The following PCSK2 variants were observed in gnomAD, a reference collection of about 807,000 sequenced individuals.
PCSK2 encodes the protein proprotein convertase subtilisin/kexin type 2.
In PCSK2, 14 loss-of-function variants were observed where a neutral mutation model predicts 69.7. The ratio of observed to expected loss-of-function variants is 0.20; its 90% CI spans 0.13 to 0.31. PCSK2 has a LOEUF of 0.31. PCSK2 is among the 10% of genes least tolerant of loss of function. The pLI, the probability that PCSK2 is intolerant of heterozygous loss-of-function variation, is 1.00. For missense variants in PCSK2, 544 were observed against 842.5 expected (o/e 0.65, Z 4.39); for synonymous variants, 307 against 320.7 (o/e 0.96, Z 0.46).
intron 1 of PCSK2, among the ~76,000 whole-genome samples, chr20:17,251,837 C>T (rs1038125386): frequency 6.6e-5 from 10 of 152,152 alleles, no homozygotes; most frequent in African/African-American, 2.4e-4. Context: ...GAAGACTCAA[C>T]AGCTAGAGGA....
At chr20:17,394,457 G>A (rs1378696464) in intron 5 of PCSK2, among the ~76,000 whole-genome samples, 3 of 152,180 alleles carry the variant, frequency 2.0e-5, no homozygotes, top group Non-Finnish European at 4.4e-5. Flanking sequence ...GAACCACTTG[G>A]AGCGAACCGT....
chr20:17,373,120 A>C (rs2030823137), intron 5 of PCSK2, among the ~76,000 whole-genome samples: 1 of 152,188 alleles, frequency 6.6e-6, no homozygotes, highest in South Asian at 2.1e-4. Context: ...CCCTAGAAGC[A>C]GACTCTGAAG....
chr20:17,455,607 C>A (rs967124581), intron 9 of PCSK2, among the ~76,000 whole-genome samples: 3 of 152,158 alleles, frequency 2.0e-5, no homozygotes, highest in African/African-American at 7.2e-5. Context: ...CTTCTTTCCC[C>A]CAAGAAGGAA....
chr20:17,339,231 C>T (rs1990440515), intron 2 of PCSK2, among the ~76,000 whole-genome samples: 1 of 152,168 alleles, frequency 6.6e-6, no homozygotes, highest in African/African-American at 2.4e-5. Flanking sequence ...CTTTCATTTG[C>T]TTTTTGACCT....
rs58399065 is a variant in PCSK2, at chr20:17,372,385, TAATAAATAAATA to T, written c.543+3143_543+3154del. On this transcript the variant is annotated intron_variant, in intron 5 of 11. Transcript: ENST00000262545. ...CAGAGGGAGACTCTGTCTTGAAAAA[TAATAAATAAATA>T]AATAAATAAATAAATAAATAAATAA... Among the ~76,000 whole-genome samples the T allele has an allele frequency of 1.8e-3, 249 of 141,936 alleles. 1 individual carries two copies. The highest frequency in any genetic ancestry group is 5.2e-3 in the East Asian group (25 of 4,818). The allele number at this position is 141,936 out of a possible 152,430, so 93.1% of individuals were successfully genotyped here. A position where few individuals can be genotyped will look rare whatever the true frequency, so the allele number is the denominator to read the frequency against.
At chr20:17,352,077 T>C (rs979105538) in intron 2 of PCSK2, among the ~76,000 whole-genome samples, 1 of 152,062 alleles carries the variant, frequency 6.6e-6, no homozygotes, top group Admixed American at 6.5e-5. Flanking sequence ...GAGAGCCAAA[T>C]CAAGAACACA....
intron 2 of PCSK2, among the ~76,000 whole-genome samples, chr20:17,288,639 A>G (rs1183283458): frequency 6.6e-6 from 1 of 152,226 alleles, no homozygotes; most frequent in Non-Finnish European, 1.5e-5. Flanking sequence ...TTAATCCAAT[A>G]TAATGGGTAA....
At chr20:17,384,079 G>A (rs1254329095) in intron 5 of PCSK2, among the ~76,000 whole-genome samples, 1 of 152,080 alleles carries the variant, frequency 6.6e-6, no homozygotes, top group Non-Finnish European at 1.5e-5. Context: ...GATATTTGGG[G>A]AAGAAAGTCT....
At chr20:17,345,672 CA>C (rs537473067) in intron 2 of PCSK2, among the ~76,000 whole-genome samples, 183 of 152,330 alleles carry the variant, frequency 1.2e-3, no homozygotes, top group Middle Eastern at 0.01. Context: ...AGAACATGCA[CA>C]AATCAGAAGC....
chr20:17,309,591 G>T (rs955336314), intron 2 of PCSK2, among the ~76,000 whole-genome samples: 1 of 152,126 alleles, frequency 6.6e-6, no homozygotes, highest in African/African-American at 2.4e-5. Context: ...GCCAAAGTGG[G>T]CAGATCACTT....
At chr20:17,247,884 T>G (rs576630266) in intron 1 of PCSK2, among the ~76,000 whole-genome samples, 1 of 152,298 alleles carries the variant, frequency 6.6e-6, no homozygotes, top group East Asian at 1.9e-4. Flanking sequence ...ATGGAGTGTG[T>G]GGGTTCAGAG....
At chr20:17,394,012 C>T (rs1468279617) in intron 5 of PCSK2, among the ~76,000 whole-genome samples, 4 of 152,120 alleles carry the variant, frequency 2.6e-5, no homozygotes, top group Admixed American at 1.3e-4. Context: ...TTAATAATTT[C>T]GTTAGCTGGG....
intron 2 of PCSK2, among the ~76,000 whole-genome samples, chr20:17,272,227 A>C (rs1476267537): frequency 6.6e-6 from 1 of 152,124 alleles, no homozygotes; most frequent in African/African-American, 2.4e-5. Context: ...AGAACAATAC[A>C]TTATAACATC....
Position 17,460,649 on chromosome 20 carries a change from G to A in PCSK2, c.1202+4201G>A, listed in dbSNP as rs907658715. 6.6e-5 allele frequency among the ~76,000 whole-genome samples: 10 copies of A among 152,256 alleles called. No individual in the cohort carries two copies. In the East Asian group the frequency reaches 1.9e-3, roughly 29 times the overall value. ...CCTGGAATATTTTAGCTCTGCTTCT[G>A]AAATATTGTTTTTTTAGGGAAGTTA... On this transcript the variant is annotated intron_variant, in intron 10 of 11. Transcript: ENST00000262545.
intron 5 of PCSK2, among the ~76,000 whole-genome samples, chr20:17,379,677 A>G (rs117752111): frequency 0.015 from 2,340 of 152,318 alleles, 24 homozygotes; most frequent in Non-Finnish European, 0.019. Context: ...CCCTCTCTTG[A>G]GTATGGCAGG....
chr20:17,461,209 G>GA (rs1355830164), intron 10 of PCSK2, among the ~76,000 whole-genome samples: 1 of 152,160 alleles, frequency 6.6e-6, no homozygotes, highest in African/African-American at 2.4e-5. Context: ...AGGGAGTCAT[G>GA]AAAACTGAAT....
At chr20:17,421,620 A>G (rs2032128181) in intron 6 of PCSK2, among the ~76,000 whole-genome samples, 1 of 152,068 alleles carries the variant, frequency 6.6e-6, no homozygotes, top group South Asian at 2.1e-4. Context: ...AGACCAGAAG[A>G]CAAAGACAGC....
At chr20:17,270,329 C>T (rs1987812749) in intron 2 of PCSK2, among the ~76,000 whole-genome samples, 1 of 152,084 alleles carries the variant, frequency 6.6e-6, no homozygotes, top group Non-Finnish European at 1.5e-5. Context: ...GGTCTTAAAG[C>T]CAAACCAAGG....
intron 2 of PCSK2, among the ~76,000 whole-genome samples, chr20:17,312,760 A>C (rs779549520): frequency 6.6e-6 from 1 of 152,094 alleles, no homozygotes; most frequent in Non-Finnish European, 1.5e-5. Context: ...TGTCCCCAAG[A>C]ATATTTTAGG....
Sources: gnomAD v4.1 joint callset for allele counts (sites outside exome capture counted in the v4.1 genomes callset) on GRCh38, gnomAD v4.1.1 for gene constraint, MANE v1.5 for transcripts, NCBI Gene and HGNC (gene_info 2026-07-23, HGNC 2026-07-21) for gene names.